Variants in RIMS1 observed in about 807,000 individuals in gnomAD.
RIMS1 encodes regulating synaptic membrane exocytosis protein 1.
Under a neutral mutation model 214.1 loss-of-function variants are expected in RIMS1, and 83 were observed. The ratio of observed to expected loss-of-function variants is 0.39; its 90% CI spans 0.32 to 0.47. The LOEUF (loss-of-function observed/expected upper bound fraction) is 0.47. Among genes scored for constraint, RIMS1 ranks in the 20% least tolerant of loss-of-function variants. RIMS1 has a pLI of 0.99. For missense variants in RIMS1, 2,050 were observed against 2,161.8 expected, an observed-to-expected ratio of 0.95 and a Z score of 1.03; for synonymous variants, 793 against 786.8, an observed-to-expected ratio of 1.01 and a Z score of -0.13.
At chr6:72,358,859 G>A (rs1387746868) in intron 29 of RIMS1, among the ~76,000 whole-genome samples, 7 of 152,156 alleles carry the variant, frequency 4.6e-5, no homozygotes, top group Non-Finnish European at 1.0e-4. Context: ...CTACCTAGGT[G>A]CTACCTAAGT....
At chr6:71,961,770 G>T (rs1793025674) in intron 1 of RIMS1, among the ~76,000 whole-genome samples, 1 of 151,970 alleles carries the variant, frequency 6.6e-6, no homozygotes. Context: ...TTATCATATG[G>T]AATGAACAGG....
chr6:71,997,518 G>T (rs1299479181), intron 2 of RIMS1, among the ~76,000 whole-genome samples: 1 of 152,186 alleles, frequency 6.6e-6, no homozygotes, highest in Non-Finnish European at 1.5e-5. Context: ...CAATTAAGCT[G>T]AAATGTTAGA....
chr6:72,088,082 C>T (rs1180472790), intron 2 of RIMS1, among the ~76,000 whole-genome samples: 1 of 152,110 alleles, frequency 6.6e-6, no homozygotes, highest in Non-Finnish European at 1.5e-5. Context: ...CTCATTCCTT[C>T]TAAAAATGAG....
At chr6:72,376,988 AATGGAAGTACACATTCATAT>A (rs1192799261) in intron 29 of RIMS1, among the ~76,000 whole-genome samples, 1 of 152,218 alleles carries the variant, frequency 6.6e-6, no homozygotes, top group Non-Finnish European at 1.5e-5. Context: ...CTGAGCAATA[AATGGAAGTACACATTCATAT>A]ATGCCATTTA....
At chr6:72,267,159 T>C (rs1232592056) in intron 22 of RIMS1, among the ~76,000 whole-genome samples, 1 of 152,164 alleles carries the variant, frequency 6.6e-6, no homozygotes, top group Non-Finnish European at 1.5e-5. Context: ...TTTTGTAATA[T>C]AAATTTTAGT....
chr6:72,008,036 T>C (rs1256572693), intron 2 of RIMS1, among the ~76,000 whole-genome samples: 1 of 151,954 alleles, frequency 6.6e-6, no homozygotes, highest in Admixed American at 6.6e-5. Flanking sequence ...TTCACCAAAG[T>C]TGAAATGAAG....
Position 72,179,752 on chromosome 6 carries a change from C to T in RIMS1, c.649C>T (p.Arg217Trp), listed in dbSNP as rs185303689. ...GAAAGCACGACTCCAAGAGCGATCG[C>T]GGTCTCAGACACCCCTAAGCACAGC... ...EKKARLQERS[R>W]SQTPLSTAAA... Residue 217 changes from arginine (R) to tryptophan (W), a missense_variant, in exon 5 of 34, where the codon CGG becomes TGG. Physicochemically the swap from Arg to Trp is moderately radical, Grantham distance 101. Transcript: ENST00000521978. 1.5e-5 allele frequency: 24 copies of T among 1,613,798 alleles called. No individual in the cohort carries two copies. The South Asian group carries it at 2.3e-4, about 16-fold the overall frequency.
intron 2 of RIMS1, among the ~76,000 whole-genome samples, chr6:72,056,549 G>A (rs1219581357): frequency 2.6e-5 from 4 of 152,198 alleles, no homozygotes; most frequent in Non-Finnish European, 5.9e-5. Context: ...AAAGACGGTA[G>A]ACTTTTTACT....
At chr6:72,155,733 A>C (rs1328877405) in intron 4 of RIMS1, among the ~76,000 whole-genome samples, 1 of 140,546 alleles carries the variant, frequency 7.1e-6, no homozygotes, top group Non-Finnish European at 1.6e-5. Flanking sequence ...AGAACAGTTC[A>C]GGAAAGACCT....
In RIMS1 at chr6:72,265,459, C is replaced by CT. The variant is rs1333391777; in HGVS notation, c.3267dup (p.Asn1090Ter). 1 of 1,608,546 alleles carries CT rather than the reference C, an allele frequency of 6.2e-7. No individual in the cohort carries two copies. Among genetic ancestry groups the CT allele is most frequent in the Non-Finnish European group, 8.5e-7 (1 of 1,175,760 alleles). On this transcript the variant is annotated frameshift_variant, in exon 21 of 34. Coordinates refer to ENST00000521978, the MANE Select transcript of RIMS1 (RefSeq NM_014989.7). LOFTEE classifies it high-confidence loss of function. ...AGGACATTTCCCTTCATCATGAATG[C>CT]TTTAACTCAACAGTATTGAGATTTA...
At chr6:72,322,614 G>C (rs558549901) in intron 28 of RIMS1, among the ~76,000 whole-genome samples, 12 of 152,096 alleles carry the variant, frequency 7.9e-5, no homozygotes, top group African/African-American at 2.4e-4. Flanking sequence ...AACAACAACA[G>C]CAAAAACTAT....
chr6:72,296,212 A>C (rs2154261508), intron 26 of RIMS1, among the ~76,000 whole-genome samples: 1 of 151,904 alleles, frequency 6.6e-6, no homozygotes, highest in East Asian at 1.9e-4. Flanking sequence ...TTTTTTTAAA[A>C]ATTTATTTAT....
In RIMS1 at chr6:71,887,047, C is replaced by G; in HGVS notation, c.24C>G (p.Arg8=). The stretch of plus-strand genomic sequence containing the variant: ...AAATGTCCTCGGCCGTGGGGCCCCG[C>G]GGTCCTCGCCCACCCACGGTGCCTC... MSSAVGP[R]GPRPPTVPPP... is the part of the protein sequence containing the mutation. The change falls in exon 1 of 34, where the codon CGC becomes CGG. Residue 8 remains arginine, a synonymous_variant. Coordinates refer to ENST00000521978, the MANE Select transcript of RIMS1 (RefSeq NM_014989.7). The G allele has an allele frequency of 6.2e-7, 1 of 1,613,286 alleles. No individual in the cohort carries two copies. Among genetic ancestry groups the G allele is most frequent in the Non-Finnish European group, 8.5e-7 (1 of 1,179,612 alleles).
At chr6:72,327,040 C>T (rs1459901505) in intron 28 of RIMS1, among the ~76,000 whole-genome samples, 4 of 151,634 alleles carry the variant, frequency 2.6e-5, no homozygotes. Flanking sequence ...ACATATTCTC[C>T]CCTAAAGCCT....
At chr6:72,305,580 A>G (rs527292934) in intron 26 of RIMS1, among the ~76,000 whole-genome samples, 11 of 152,148 alleles carry the variant, frequency 7.2e-5, no homozygotes, top group African/African-American at 7.2e-5. Context: ...CACATTTTCT[A>G]TATTGCATAT....
At chr6:72,074,817 G>A (rs1831405808) in intron 2 of RIMS1, among the ~76,000 whole-genome samples, 1 of 152,168 alleles carries the variant, frequency 6.6e-6, no homozygotes, top group African/African-American at 2.4e-5. Context: ...CTTTCCAAGG[G>A]TGTAAAATGA....
At chr6:72,258,038 T>G (rs2076589054) in intron 16 of RIMS1, 87 bp from the exon 17 acceptor site, 15 of 1,211,378 alleles carry the variant, frequency 1.2e-5, no homozygotes, top group Non-Finnish European at 1.8e-5. Context: ...GATCAATGGC[T>G]GCTTTAGAAT....
intron 6 of RIMS1, among the ~76,000 whole-genome samples, chr6:72,206,674 A>AT (rs2052975733): frequency 6.6e-6 from 1 of 152,158 alleles, no homozygotes; most frequent in Non-Finnish European, 1.5e-5. Flanking sequence ...TTTTTCTTCC[A>AT]TAGTTTCCAG....
chr6:72,109,020 G>A (rs1487736767), intron 4 of RIMS1, among the ~76,000 whole-genome samples: 1 of 151,902 alleles, frequency 6.6e-6, no homozygotes, highest in Non-Finnish European at 1.5e-5. Flanking sequence ...TCCCTACAAA[G>A]GACATGAACT....
Sources: allele counts gnomAD v4.1 joint callset (sites outside exome capture counted in the v4.1 genomes callset), GRCh38; gene constraint gnomAD v4.1.1; transcripts MANE v1.5; gene names NCBI Gene and HGNC (gene_info 2026-07-23, HGNC 2026-07-21).